DLG5: variants seen among roughly 807,000 people sequenced by gnomAD.
DLG5 encodes discs large MAGUK scaffold protein 5, also known as disks large homolog 5.
In DLG5, 48 loss-of-function variants were observed where a neutral mutation model predicts 189.8. The observed-to-expected ratio is 0.25, with a 90% CI of 0.20 to 0.32. The LOEUF is 0.32. Ranked by LOEUF, DLG5 falls within the 10% of genes least tolerant of loss-of-function variation. The pLI is 1.00. For missense variants in DLG5, 2,160 were observed against 2,544.7 expected (o/e 0.85, Z 3.25); for synonymous variants, 1,016 against 1,054.1 (o/e 0.96, Z 0.70).
the DLG5 span, among the ~76,000 whole-genome samples, chr10:77,940,167 A>T: frequency 6.6e-6 from 1 of 152,172 alleles, no homozygotes; most frequent in Non-Finnish European, 1.5e-5. Flanking sequence ...CTAACCAGTC[A>T]CATAGGATGT....
intron 1 of DLG5, among the ~76,000 whole-genome samples, chr10:77,895,233 G>A (rs572980451): frequency 6.6e-5 from 10 of 152,116 alleles, no homozygotes; most frequent in African/African-American, 2.2e-4. Flanking sequence ...CCCTGTCCCC[G>A]CCAATGCCGT....
intron 1 of DLG5, among the ~76,000 whole-genome samples, chr10:77,882,251 C>T (rs1845303897): frequency 6.6e-6 from 1 of 152,230 alleles, no homozygotes; most frequent in African/African-American, 2.4e-5. Flanking sequence ...GCTCCCTCTG[C>T]TTTGGCCACC....
intron 1 of DLG5, among the ~76,000 whole-genome samples, chr10:77,914,737 G>T (rs1383326692): frequency 1.3e-5 from 2 of 152,048 alleles, no homozygotes; most frequent in African/African-American, 2.4e-5. Context: ...CCTCCCAGGG[G>T]CTCAGCAAAG....
intron 1 of DLG5, 138 bp from the exon 2 acceptor site, chr10:77,869,335 C>G: frequency 1.3e-6 from 1 of 758,710 alleles, no homozygotes; most frequent in Non-Finnish European, 2.2e-6. Flanking sequence ...ACGGGCCAAG[C>G]AGAGGAGGCG....
chr10:77,821,333 G>C lies in DLG5; in HGVS notation c.3151C>G (p.Leu1051Val). Residue 1051 changes from leucine (L) to valine (V), a missense_variant, in exon 15 of 32, where the codon CTG becomes GTG. Physicochemically the swap from Leu to Val is conservative, Grantham distance 32 (BLOSUM62 1). This residue lies in a region of DLG5 where 754 missense variants were observed against 746.5 expected (regional missense o/e 1.01). Coordinates refer to ENST00000372391, the MANE Select transcript of DLG5 (RefSeq NM_004747.4). ...SSPSTSPPSALPPDVDPGEPM... is the reference protein window; with the variant it reads ...SSPSTSPPSAVPPDVDPGEPM... Reference sequence around the variant, plus strand: ...TCCCCGGGGTCCACGTCAGGGGGCAGGGCGCTCGGGGGACTAGTGGATGGG... The same window carrying C: ...TCCCCGGGGTCCACGTCAGGGGGCACGGCGCTCGGGGGACTAGTGGATGGG... The C allele has an allele frequency of 6.2e-7, 1 of 1,613,162 alleles. No individual in the cohort carries two copies. The highest frequency in any genetic ancestry group is 8.5e-7 in the Non-Finnish European group (1 of 1,180,004).
At chr10:77,902,151 G>A (rs905781064) in intron 1 of DLG5, among the ~76,000 whole-genome samples, 11 of 152,134 alleles carry the variant, frequency 7.2e-5, no homozygotes, top group African/African-American at 2.4e-4. Flanking sequence ...AGGAGATGCC[G>A]TGCCTATTTC....
At chr10:77,880,426 C>T (rs1314902555) in intron 1 of DLG5, among the ~76,000 whole-genome samples, 2 of 152,176 alleles carry the variant, frequency 1.3e-5, no homozygotes, top group Non-Finnish European at 2.9e-5. Context: ...TGCACTCCAA[C>T]CTGGGCAACA....
intron 27 of DLG5, among the ~76,000 whole-genome samples, chr10:77,803,498 C>A (rs1417572348): frequency 6.6e-6 from 1 of 151,964 alleles, no homozygotes; most frequent in African/African-American, 2.4e-5. Context: ...ATAAACTGTG[C>A]CAAAGATAAC....
chr10:77,830,373 T>A (rs371078200), intron 10 of DLG5, 29 bp from the exon 11 acceptor site: 4 of 1,614,026 alleles, frequency 2.5e-6, no homozygotes, highest in Non-Finnish European at 2.5e-6. Context: ...CAGCAACGCA[T>A]TTCACAAAGC....
In DLG5 at chr10:77,843,585, G is replaced by C; in HGVS notation, c.986C>G (p.Ala329Gly). ...GCGGCTCAGGTCTGCATTGTGGATG[G>C]CGACTTTCTCACTGTACCTCTTCCG... is the stretch of plus-strand genomic sequence containing the variant. ...ALRKRYSEKVAIHNADLSRLE... is the reference protein window; with the variant it reads ...ALRKRYSEKVGIHNADLSRLE... The change falls in exon 6 of 32, where the codon GCC (alanine) becomes GGC (glycine). Residue 329 changes from alanine (A) to glycine (G), a missense_variant. Around this residue, in one of 5 missense-constraint regions of DLG5, gnomAD observed 664 missense variants for 838.5 expected, o/e 0.79. Coordinates refer to ENST00000372391, the MANE Select transcript of DLG5 (RefSeq NM_004747.4). 6.2e-7 allele frequency: 1 copy of C among 1,614,082 alleles called. No individual in the cohort carries two copies. The highest frequency in any genetic ancestry group is 1.1e-5 in the South Asian group (1 of 91,076).
chr10:77,918,023 AAAAAAAC>A (rs1254369820), intron 1 of DLG5, among the ~76,000 whole-genome samples: 1 of 151,842 alleles, frequency 6.6e-6, no homozygotes, highest in Admixed American at 6.6e-5. Context: ...TGTCTCAAAA[AAAAAAAC>A]AAAAAACAAA....
chr10:77,905,443 T>C (rs1023520644), intron 1 of DLG5, among the ~76,000 whole-genome samples: 1 of 152,214 alleles, frequency 6.6e-6, no homozygotes, highest in Non-Finnish European at 1.5e-5. Flanking sequence ...ATATTCACAA[T>C]GCCATCTTTA....
chr10:77,860,703 C>T (rs1276667746), intron 2 of DLG5, among the ~76,000 whole-genome samples: 1 of 152,206 alleles, frequency 6.6e-6, no homozygotes, highest in Non-Finnish European at 1.5e-5. Flanking sequence ...GAAACACAAT[C>T]TTACCAAGGT....
At chr10:77,844,439 G>A (rs1432432075) in intron 5 of DLG5, among the ~76,000 whole-genome samples, 3 of 152,172 alleles carry the variant, frequency 2.0e-5, no homozygotes, top group African/African-American at 2.4e-5. Context: ...ATTACATACT[G>A]AATCTTTTGA....
intron 2 of DLG5, among the ~76,000 whole-genome samples, chr10:77,865,403 T>G (rs527722420): frequency 6.6e-6 from 1 of 152,284 alleles, no homozygotes; most frequent in Admixed American, 6.5e-5. Context: ...GAAGAAGCAC[T>G]TTCAAGGAAT....
At chr10:77,858,919 C>A (rs1844362254) in intron 2 of DLG5, among the ~76,000 whole-genome samples, 1 of 152,132 alleles carries the variant, frequency 6.6e-6, no homozygotes, top group Admixed American at 6.6e-5. Context: ...GTCACCCAGG[C>A]TGGAGTACAG....
At chr10:77,858,958 T>G (rs1320944718) in intron 2 of DLG5, among the ~76,000 whole-genome samples, 1 of 152,128 alleles carries the variant, frequency 6.6e-6, no homozygotes, top group Non-Finnish European at 1.5e-5. Context: ...CTATAACCTC[T>G]GCCTCCTGGG....
intron 1 of DLG5, among the ~76,000 whole-genome samples, chr10:77,921,506 A>C (rs1846532935): frequency 6.6e-6 from 1 of 152,108 alleles, no homozygotes; most frequent in African/African-American, 2.4e-5. Context: ...CAAACCTCCC[A>C]CTCAGCCTAG....
intron 2 of DLG5, among the ~76,000 whole-genome samples, chr10:77,865,645 A>G (rs1048024544): frequency 3.3e-5 from 5 of 152,216 alleles, no homozygotes; most frequent in Non-Finnish European, 7.3e-5. Context: ...GGAGGAAAAA[A>G]GTACTGATTG....
Sources: allele counts gnomAD v4.1 joint callset (sites outside exome capture counted in the v4.1 genomes callset), GRCh38; gene constraint gnomAD v4.1.1; regional missense constraint gnomAD v4.1.1; transcripts MANE v1.5; gene names NCBI Gene and HGNC (gene_info 2026-07-23, HGNC 2026-07-21).